The following PHACTR3 variants were observed in gnomAD, a reference collection of about 807,000 sequenced individuals.
The protein encoded by PHACTR3 is phosphatase and actin regulator 3.
Under a neutral mutation model 66.8 loss-of-function variants are expected in PHACTR3, and 16 were observed. That is an observed-to-expected ratio of 0.24 (90% CI 0.16 to 0.36). The LOEUF is 0.36. Among genes scored for constraint, PHACTR3 ranks in the 10% least tolerant of loss-of-function variants. The pLI, the probability that PHACTR3 is intolerant of heterozygous loss-of-function variation, is 1.00. For synonymous variants in PHACTR3, 323 were observed against 292.1 expected, an observed-to-expected ratio of 1.11 and a Z score of -1.08; for missense variants, 647 against 719.9, an observed-to-expected ratio of 0.90 and a Z score of 1.16.
intron 3 of PHACTR3, among the ~76,000 whole-genome samples, chr20:59,750,326 C>A (rs1490532532): frequency 1.3e-5 from 2 of 152,044 alleles, no homozygotes; most frequent in African/African-American, 4.8e-5. Context: ...GATTTAATAA[C>A]CCTCCACCGC....
chr20:59,755,357 C>T lies in PHACTR3; in HGVS notation c.534C>T (p.Asp178=), dbSNP rs142470169. The change falls in exon 4 of 13, where the codon GAC becomes GAT. Residue 178 remains aspartate (D), a synonymous_variant. Transcript: ENST00000371015. The stretch of plus-strand genomic sequence containing the variant: ...CACTGTCCTCAGCTGCCCACTTGGA[C>T]GATGCAGGTACTGGCTGGAGACCAC... ...DKPLSSAAHL[D]DAAKMPSASS... 113 of 1,613,294 alleles carry T rather than the reference C, an allele frequency of 7.0e-5. No homozygotes were observed. Among genetic ancestry groups the T allele is most frequent in the East Asian group, 4.2e-4 (19 of 44,870 alleles).
intron 7 of PHACTR3, among the ~76,000 whole-genome samples, chr20:59,801,712 G>C (rs2041418539): frequency 6.6e-6 from 1 of 152,206 alleles, no homozygotes; most frequent in South Asian, 2.1e-4. Context: ...CCTCGCTGTA[G>C]ATAAACTCAT....
intron 1 of PHACTR3, among the ~76,000 whole-genome samples, chr20:59,662,204 A>T (rs1286855603): frequency 6.6e-6 from 1 of 152,050 alleles, no homozygotes; most frequent in African/African-American, 2.4e-5. Flanking sequence ...AAAGGCATGT[A>T]GTCTTGAGAG....
At chr20:59,611,425 C>T (rs1364478201) in intron 1 of PHACTR3, among the ~76,000 whole-genome samples, 1 of 152,214 alleles carries the variant, frequency 6.6e-6, no homozygotes, top group Non-Finnish European at 1.5e-5. Flanking sequence ...GTGTGCCTGG[C>T]TGAGCTGGTC....
intron 8 of PHACTR3, among the ~76,000 whole-genome samples, chr20:59,823,779 C>T (rs567669674): frequency 1.3e-5 from 2 of 152,222 alleles, no homozygotes; most frequent in East Asian, 1.9e-4. Context: ...TAGCAACTTG[C>T]CTCTACTGAC....
At chr20:59,821,627 C>T (rs1463013104) in intron 8 of PHACTR3, among the ~76,000 whole-genome samples, 5 of 152,156 alleles carry the variant, frequency 3.3e-5, no homozygotes, top group African/African-American at 7.2e-5. Flanking sequence ...CTCGCGGCTT[C>T]TGCTGCTTTA....
At chr20:59,618,816 C>G (rs1422231942) in intron 1 of PHACTR3, among the ~76,000 whole-genome samples, 1 of 151,918 alleles carries the variant, frequency 6.6e-6, no homozygotes, top group African/African-American at 2.4e-5. Flanking sequence ...CTGAGCAGGG[C>G]CGAGAGCCTG....
In PHACTR3 at chr20:59,836,550, T is replaced by C. The variant is rs1350652327; in HGVS notation, c.1374T>C (p.Asn458=). The change falls in exon 9 of 13, where the codon AAT becomes AAC. Residue 458 remains asparagine (N), a synonymous_variant. Coordinates refer to ENST00000371015, the MANE Select transcript of PHACTR3 (RefSeq NM_080672.5). ...CCGTGGAAGAGCTGGAGAGAAGAAA[T>C]ATCTTGAAACGTGAGTAGCTGGTGA... The part of the protein sequence containing the change: ...RPAVEELERR[N]ILKQRNDQTE... 3 of 1,610,910 alleles carry C rather than the reference T, an allele frequency of 1.9e-6. No homozygotes were observed. The highest frequency in any genetic ancestry group is 3.4e-5 in the Admixed American group (2 of 59,258).
intron 1 of PHACTR3, among the ~76,000 whole-genome samples, chr20:59,673,904 A>T (rs2036280840): frequency 6.6e-6 from 1 of 152,134 alleles, no homozygotes; most frequent in African/African-American, 2.4e-5. Flanking sequence ...AGAGGAGAAG[A>T]GCCTGACAGG....
intron 1 of PHACTR3, among the ~76,000 whole-genome samples, chr20:59,735,721 C>T (rs1355504143): frequency 2.0e-5 from 3 of 152,112 alleles, no homozygotes; most frequent in South Asian, 2.1e-4. Context: ...AGCAAAGATG[C>T]GAGACCCAGC....
intron 1 of PHACTR3, among the ~76,000 whole-genome samples, chr20:59,725,197 T>C (rs1379980911): frequency 1.3e-5 from 2 of 149,400 alleles, no homozygotes; most frequent in Middle Eastern, 3.4e-3. Flanking sequence ...AGGTGTGCTG[T>C]GTGCTCAGTG....
At chr20:59,577,968 A>G (rs150165612) in intron 1 of PHACTR3, among the ~76,000 whole-genome samples, 2,036 of 152,326 alleles carry the variant, frequency 0.013, 30 homozygotes, top group African/African-American at 0.044. Flanking sequence ...CAGTTTCTGC[A>G]TCTGTGAAAT....
At chr20:59,797,228 T>C (rs1382596151) in intron 7 of PHACTR3, among the ~76,000 whole-genome samples, 1 of 152,222 alleles carries the variant, frequency 6.6e-6, no homozygotes, top group Admixed American at 6.5e-5. Context: ...AGATCATAAA[T>C]TGTTTTCCTG....
chr20:59,718,344 A>C (rs1324829849), intron 1 of PHACTR3, among the ~76,000 whole-genome samples: 1 of 152,162 alleles, frequency 6.6e-6, no homozygotes, highest in Non-Finnish European at 1.5e-5. Context: ...CATCATTTCC[A>C]TCTGGTCCTG....
At chr20:59,713,901 C>T (rs1198105905) in intron 1 of PHACTR3, among the ~76,000 whole-genome samples, 1 of 152,124 alleles carries the variant, frequency 6.6e-6, no homozygotes, top group Non-Finnish European at 1.5e-5. Flanking sequence ...TTAATCTCCC[C>T]CACCCACCCT....
intron 3 of PHACTR3, among the ~76,000 whole-genome samples, chr20:59,751,288 G>A (rs1419586438): frequency 6.6e-6 from 1 of 152,170 alleles, no homozygotes; most frequent in Non-Finnish European, 1.5e-5. Context: ...CCTGTGGCCG[G>A]CCAGGCTCAT....
At chr20:59,661,918 G>T (rs1419678976) in intron 1 of PHACTR3, among the ~76,000 whole-genome samples, 1 of 152,100 alleles carries the variant, frequency 6.6e-6, no homozygotes, top group East Asian at 1.9e-4. Context: ...GCTTGCTGCG[G>T]CTCCTAATCT....
At chr20:59,732,767 A>T (rs2038813314) in intron 1 of PHACTR3, among the ~76,000 whole-genome samples, 1 of 152,124 alleles carries the variant, frequency 6.6e-6, no homozygotes, top group Non-Finnish European at 1.5e-5. Context: ...GTATCATGGG[A>T]TCAATCCACT....
rs772531410 is a variant in PHACTR3 at position 59,774,367 on chromosome 20, A to G, written c.1051A>G (p.Asn351Asp). 149 of 1,614,052 alleles carry G rather than the reference A, an allele frequency of 9.2e-5. No individual in the cohort carries two copies. Among genetic ancestry groups the G allele is most frequent in the Non-Finnish European group, 1.2e-4 (142 of 1,180,034 alleles). The stretch of plus-strand genomic sequence containing the variant: ...TTGGAGCTTTGACGGGGCATTGGAG[A>G]ACAAGCGAACTGCCGCTAAGGAATC... ...EAWSFDGALE[N>D]KRTAAKESEE... The change falls in exon 7 of 13, where the codon AAC (asparagine) becomes GAC (aspartate). Residue 351 changes from asparagine to aspartate, a missense_variant. Physicochemically the swap from Asn to Asp is conservative, Grantham distance 23 (BLOSUM62 1). Transcript: ENST00000371015.
Sources: allele counts gnomAD v4.1 joint callset (sites outside exome capture counted in the v4.1 genomes callset), GRCh38; gene constraint gnomAD v4.1.1; transcripts MANE v1.5; gene names NCBI Gene and HGNC (gene_info 2026-07-23, HGNC 2026-07-21).